SLC25A13: variants seen among roughly 807,000 people sequenced by gnomAD.
The protein encoded by SLC25A13 is electrogenic aspartate/glutamate antiporter SLC25A13, mitochondrial.
Under a neutral mutation model 85.5 loss-of-function variants are expected in SLC25A13, and 70 were observed. The observed-to-expected ratio is 0.82, with a 90% confidence interval of 0.68 to 1.00. The LOEUF is 1.00. Among genes scored for constraint, SLC25A13 ranks in the 50% least tolerant of loss-of-function variants. The pLI is 0.00. For missense variants in SLC25A13, 765 were observed against 819.8 expected, an observed-to-expected ratio of 0.93 and a Z score of 0.82; for synonymous variants, 259 against 288.7, an observed-to-expected ratio of 0.90 and a Z score of 1.04.
At chr7:96,138,018 C>G (rs42996) in intron 14 of SLC25A13, among the ~76,000 whole-genome samples, 36,089 of 152,202 alleles carry the variant, frequency 0.24, 5,514 homozygotes, top group Non-Finnish European at 0.34. Flanking sequence ...TGACACATCT[C>G]CACCTGGGAT....
intron 15 of SLC25A13, among the ~76,000 whole-genome samples, chr7:96,129,923 A>G (rs983992186): frequency 6.6e-6 from 1 of 152,244 alleles, no homozygotes; most frequent in Non-Finnish European, 1.5e-5. Flanking sequence ...AAGTGTGATT[A>G]CAGCTCTGTG....
chr7:96,264,088 C>A (rs1465973985), intron 3 of SLC25A13, among the ~76,000 whole-genome samples: 2 of 152,144 alleles, frequency 1.3e-5, no homozygotes, highest in Non-Finnish European at 1.5e-5. Context: ...CCCTTGCACG[C>A]CCCTGCACCT....
intron 11 of SLC25A13, among the ~76,000 whole-genome samples, chr7:96,176,339 TG>T (rs1459635556): frequency 6.6e-6 from 1 of 152,240 alleles, no homozygotes; most frequent in Non-Finnish European, 1.5e-5. Flanking sequence ...AATGGATGTG[TG>T]TGTTGTTTCT....
intron 4 of SLC25A13, among the ~76,000 whole-genome samples, chr7:96,225,535 A>G (rs1796299911): frequency 2.9e-5 from 1 of 34,590 alleles, no homozygotes. Flanking sequence ...TTTCAAAAGA[A>G]AAAAAAAAAA....
intron 13 of SLC25A13, among the ~76,000 whole-genome samples, chr7:96,169,316 G>A (rs1793903423): frequency 1.3e-5 from 2 of 151,948 alleles, no homozygotes; most frequent in Non-Finnish European, 1.5e-5. Flanking sequence ...AAATAGGTTC[G>A]GATAAAAAAA....
chr7:96,136,820 C>G (rs1792307339), intron 14 of SLC25A13, among the ~76,000 whole-genome samples: 1 of 152,162 alleles, frequency 6.6e-6, no homozygotes, highest in Admixed American at 6.5e-5. Context: ...AACAGAGACT[C>G]CAGCAGTGAA....
In SLC25A13 at chr7:96,193,176, T is replaced by G; in HGVS notation, c.476A>C (p.Gln159Pro). ...AEFTQFLLEI[Q>P]LEHAKQAFVQ... ...AAAGGCTTGCTTTGCGTGCTCCAGT[T>G]GTATTTCCTACAAATAAAGAAAGTA... The change falls in exon 6 of 18, where the codon CAA becomes CCA. Residue 159 changes from glutamine (Q) to proline (P), a missense_variant. Coordinates refer to ENST00000265631, the MANE Select transcript of SLC25A13 (RefSeq NM_014251.3). 1.2e-6 allele frequency: 2 copies of G among 1,614,136 alleles called. No homozygotes were observed. The highest frequency in any genetic ancestry group is 1.7e-6 in the Non-Finnish European group (2 of 1,180,006).
Position 96,188,986 on chromosome 7 carries a change from C to T in SLC25A13, c.933+308G>A, listed in dbSNP as rs752420836. 3.0e-4 allele frequency among the ~76,000 whole-genome samples: 45 copies of T among 152,340 alleles called. 1 individual carries two copies. Among genetic ancestry groups the T allele is most frequent in the Middle Eastern group, 3.4e-3 (1 of 294 alleles). On this transcript the variant is annotated intron_variant, in intron 9 of 17. Transcript: ENST00000265631. ...ACACCAACACGGGATTCTTTCGCTA[C>T]ATCTCTCAACATGAGACTTCAAGAA...
chr7:96,295,356 CAAGAA>C (rs1799306435), intron 2 of SLC25A13, among the ~76,000 whole-genome samples: 1 of 152,042 alleles, frequency 6.6e-6, no homozygotes, highest in Non-Finnish European at 1.5e-5. Context: ...TCTCAGAAAA[CAAGAA>C]AAGAAAAGAA....
At chr7:96,261,801 G>C (rs1797862354) in intron 3 of SLC25A13, among the ~76,000 whole-genome samples, 1 of 152,170 alleles carries the variant, frequency 6.6e-6, no homozygotes, top group Non-Finnish European at 1.5e-5. Flanking sequence ...GGATTTGGAA[G>C]TCCAAGATCA....
chr7:96,137,947 T>C (rs769438354), intron 14 of SLC25A13, among the ~76,000 whole-genome samples: 4 of 152,184 alleles, frequency 2.6e-5, no homozygotes, highest in Non-Finnish European at 5.9e-5. Context: ...CTCCCTTACT[T>C]TGGCTGAAGT....
At position 96,189,204 on chromosome 7, in the gene SLC25A13, C is replaced by T. The variant is rs567929809; in HGVS notation, c.933+90G>A. 413 of 1,081,834 alleles carry T rather than the reference C, an allele frequency of 3.8e-4. 1 individual carries two copies. In the African/African-American group the frequency reaches 5.6e-3, roughly 15 times the overall value. The allele number at this position is 1,081,834 out of a possible 1,614,324, so 67.0% of individuals were successfully genotyped here. A position where few individuals can be genotyped will look rare whatever the true frequency, so the allele number is the denominator to read the frequency against. On this transcript the variant is annotated intron_variant, in intron 9 of 17. Coordinates refer to ENST00000265631, the MANE Select transcript of SLC25A13 (RefSeq NM_014251.3). Reference sequence around the variant, plus strand: ...AACAGAAAAATGGTTAAGTCAGATACCAATGCCGCAAAGGCAACTGCAAGT... The same window carrying T: ...AACAGAAAAATGGTTAAGTCAGATATCAATGCCGCAAAGGCAACTGCAAGT...
chr7:96,214,774 A>G (rs967917224), intron 4 of SLC25A13, among the ~76,000 whole-genome samples: 1 of 152,098 alleles, frequency 6.6e-6, no homozygotes, highest in African/African-American at 2.4e-5. Context: ...AATTTACAGT[A>G]GCCTCAAAAA....
In SLC25A13 at chr7:96,121,727, G is replaced by A. The variant is rs1323174734; in HGVS notation, c.1769C>T (p.Ser590Leu). Residue 590 changes from serine to leucine, a missense_variant, in exon 17 of 18, where the codon TCA (serine) becomes TTA (leucine). Ser to Leu is a moderately radical substitution (Grantham distance 145). Coordinates refer to ENST00000265631, the MANE Select transcript of SLC25A13 (RefSeq NM_014251.3). ...CAGCAAAGTTACACCAAACTGGGGT[G>A]AGGATCGAAATACACGAGCTTTAAA... ...KGAGARVFRSSPQFGVTLLTY... is the reference protein window; with the variant it reads ...KGAGARVFRSLPQFGVTLLTY... 1.2e-6 allele frequency: 2 copies of A among 1,614,170 alleles called. No individual in the cohort carries two copies. The highest frequency in any genetic ancestry group is 1.3e-5 in the African/African-American group (1 of 75,028).
intron 4 of SLC25A13, among the ~76,000 whole-genome samples, chr7:96,221,651 C>T (rs1293718683): frequency 6.6e-6 from 1 of 152,134 alleles, no homozygotes; most frequent in African/African-American, 2.4e-5. Context: ...ACCAGCATTC[C>T]TCTAGCTTTA....
At chr7:96,241,037 GGAAAGAAAGAAAGAAAGAAA>G (rs200466951) in intron 3 of SLC25A13, among the ~76,000 whole-genome samples, 924 of 80,656 alleles carry the variant, frequency 0.011, 21 homozygotes, top group African/African-American at 0.017. Flanking sequence ...AAGAAAGAAA[GGAAAGAAAGAAAGAAAGAAA>G]GAAAGAAAGA....
chr7:96,162,722 GAGA>G (rs1793560135), intron 13 of SLC25A13, among the ~76,000 whole-genome samples: 1 of 152,184 alleles, frequency 6.6e-6, no homozygotes, highest in Non-Finnish European at 1.5e-5. Context: ...TCTTCAGGAA[GAGA>G]AGAAGTTATG....
intron 6 of SLC25A13, 95 bp downstream of exon 6, chr7:96,192,942 A>C (rs1176556557): frequency 2.2e-6 from 3 of 1,362,698 alleles, no homozygotes; most frequent in Non-Finnish European, 3.1e-6. Flanking sequence ...TAGTGTTTGC[A>C]ACAGAAAAAA....
chr7:96,266,071 C>T (rs1798034673), intron 3 of SLC25A13, among the ~76,000 whole-genome samples: 1 of 152,202 alleles, frequency 6.6e-6, no homozygotes, highest in Admixed American at 6.5e-5. Context: ...GGAGGGACAT[C>T]AATGTTCAGA....
Sources: allele counts gnomAD v4.1 joint callset (sites outside exome capture counted in the v4.1 genomes callset), GRCh38; gene constraint gnomAD v4.1.1; transcripts MANE v1.5; gene names NCBI Gene and HGNC (gene_info 2026-07-23, HGNC 2026-07-21).